Variants in MYO16 observed in about 807,000 individuals in gnomAD.
The protein encoded by MYO16 is unconventional myosin-XVI.
Under a neutral mutation model 205.3 loss-of-function variants are expected in MYO16, and 94 were observed. The observed-to-expected ratio is 0.46, with a 90% confidence interval of 0.39 to 0.54. The LOEUF (loss-of-function observed/expected upper bound fraction) is 0.54, where lower values mean the gene tolerates loss of function less well. Ranked by LOEUF, MYO16 falls within the 20% of genes least tolerant of loss-of-function variation. The pLI is 0.00. For missense variants in MYO16, 2,315 were observed against 2,387.5 expected (o/e 0.97, Z 0.63); for synonymous variants, 988 against 954.0 (o/e 1.04, Z -0.66).
intron 1 of MYO16, among the ~76,000 whole-genome samples, chr13:108,646,612 C>T (rs540960339): frequency 6.6e-6 from 1 of 152,294 alleles, no homozygotes; most frequent in South Asian, 2.1e-4. Context: ...TTGACCTTCT[C>T]CAAGCACTAA....
intron 2 of MYO16, among the ~76,000 whole-genome samples, chr13:108,701,127 T>C (rs545288375): frequency 2.6e-4 from 39 of 152,238 alleles, no homozygotes; most frequent in Admixed American, 1.6e-3. Flanking sequence ...ATATAGACAT[T>C]GCAGATTTAG....
At chr13:108,750,535 G>A (rs532519610) in intron 4 of MYO16, among the ~76,000 whole-genome samples, 2 of 151,356 alleles carry the variant, frequency 1.3e-5, no homozygotes, top group East Asian at 1.9e-4. Context: ...TTGGGAGGCC[G>A]AGGTGGGCTG....
upstream of MYO16, among the ~76,000 whole-genome samples, chr13:108,594,221 T>C (rs775269976): frequency 1.2e-4 from 18 of 152,196 alleles, no homozygotes; most frequent in Non-Finnish European, 2.1e-4. Flanking sequence ...CCTGACAGCA[T>C]CCAACCCACA....
At chr13:108,630,457 G>C (rs16972815) in intron 1 of MYO16, among the ~76,000 whole-genome samples, 1 of 152,150 alleles carries the variant, frequency 6.6e-6, no homozygotes, top group African/African-American at 2.4e-5. Flanking sequence ...TTTGTCACCA[G>C]GTTCTCTTTT....
intron 27 of MYO16, among the ~76,000 whole-genome samples, chr13:109,088,547 A>AT (rs1197085583): frequency 6.6e-6 from 1 of 151,360 alleles, no homozygotes; most frequent in African/African-American, 2.4e-5. Context: ...ATAATTCAGC[A>AT]TTCTTTTTTT....
chr13:109,059,386 A>G (rs544195338), intron 27 of MYO16, among the ~76,000 whole-genome samples: 1 of 152,326 alleles, frequency 6.6e-6, no homozygotes, highest in East Asian at 1.9e-4. Context: ...TGAAAACAAC[A>G]TTCAATTCCT....
the MYO16 span, among the ~76,000 whole-genome samples, chr13:108,557,905 C>A: frequency 1.3e-5 from 2 of 151,928 alleles, no homozygotes; most frequent in African/African-American, 2.4e-5. Flanking sequence ...TATCATTATA[C>A]ACATATAGAT....
chr13:108,880,909 G>T (rs1280098855), intron 12 of MYO16, among the ~76,000 whole-genome samples: 2 of 152,150 alleles, frequency 1.3e-5, no homozygotes, highest in Non-Finnish European at 2.9e-5. Flanking sequence ...GAAAGTCATT[G>T]GTAGCTTGAT....
At chr13:109,058,492 A>G (rs1174467682) in intron 27 of MYO16, among the ~76,000 whole-genome samples, 4 of 152,208 alleles carry the variant, frequency 2.6e-5, no homozygotes, top group Admixed American at 1.3e-4. Context: ...CCCGCTGCAT[A>G]TAAAAGTTAT....
At chr13:108,852,115 C>A (rs192412783) in intron 10 of MYO16, among the ~76,000 whole-genome samples, 4 of 152,184 alleles carry the variant, frequency 2.6e-5, no homozygotes, top group Non-Finnish European at 5.9e-5. Flanking sequence ...TCTTCAAAGA[C>A]GACTTCTCAG....
chr13:108,760,142 C>G (rs984293894), intron 4 of MYO16, among the ~76,000 whole-genome samples: 1 of 152,166 alleles, frequency 6.6e-6, no homozygotes, highest in South Asian at 2.1e-4. Context: ...ACCACACTAT[C>G]GAATACTAGA....
the MYO16 span, among the ~76,000 whole-genome samples, chr13:108,538,137 C>A: frequency 1.8e-4 from 28 of 151,916 alleles, no homozygotes; most frequent in Non-Finnish European, 1.5e-4. Context: ...TGAGCACTTT[C>A]TTTTTCTATT....
At position 108,820,417 on chromosome 13, in the gene MYO16, G is replaced by C; in HGVS notation, c.943+5G>C. The C allele has an allele frequency of 6.2e-7, 1 of 1,600,696 alleles. No homozygotes were observed. The highest frequency in any genetic ancestry group is 8.5e-7 in the Non-Finnish European group (1 of 1,172,728). On this transcript the variant is annotated splice_donor_5th_base_variant and intron_variant, in intron 8 of 34. Coordinates refer to ENST00000457511, the MANE Select transcript of MYO16 (RefSeq NM_001198950.3). ...GTAATGAGGAGAAGGCGTCAGGTAG[G>C]TTAGGAGCATCCTTGGACCATTGAG...
At chr13:108,725,838 T>C (rs747366785) in intron 3 of MYO16, among the ~76,000 whole-genome samples, 2 of 152,226 alleles carry the variant, frequency 1.3e-5, no homozygotes, top group Non-Finnish European at 2.9e-5. Context: ...CCAGCCCTGG[T>C]CAAGCCAGGT....
chr13:108,898,256 A>C, intron 15 of MYO16, 123 bp downstream of exon 15: 1 of 759,560 alleles, frequency 1.3e-6, no homozygotes, highest in Non-Finnish European at 2.2e-6. Context: ...CCTATTCTTC[A>C]TGACCGTGTC....
intron 1 of MYO16, among the ~76,000 whole-genome samples, chr13:108,653,683 G>A (rs1387594246): frequency 6.6e-6 from 1 of 151,492 alleles, no homozygotes; most frequent in Non-Finnish European, 1.5e-5. Flanking sequence ...ACATTTGTTT[G>A]TATTAAAATA....
At chr13:108,669,860 G>A (rs1881907165) in intron 2 of MYO16, among the ~76,000 whole-genome samples, 1 of 152,094 alleles carries the variant, frequency 6.6e-6, no homozygotes, top group Admixed American at 6.6e-5. Flanking sequence ...ACTCATAAGT[G>A]GGAGTTGAAC....
chr13:108,743,155 T>C (rs1259887344), intron 4 of MYO16, among the ~76,000 whole-genome samples: 1 of 152,200 alleles, frequency 6.6e-6, no homozygotes, highest in African/African-American at 2.4e-5. Flanking sequence ...GGGGTATTAA[T>C]TTCTTTAAAT....
chr13:108,754,211 AG>A (rs933458021), intron 4 of MYO16, among the ~76,000 whole-genome samples: 29 of 142,492 alleles, frequency 2.0e-4, no homozygotes, highest in African/African-American at 7.6e-4. Flanking sequence ...GTAGCATGCA[AG>A]ACAAGCTGTA....
Sources: allele counts gnomAD v4.1 joint callset (sites outside exome capture counted in the v4.1 genomes callset), GRCh38; gene constraint gnomAD v4.1.1; transcripts MANE v1.5; gene names NCBI Gene and HGNC (gene_info 2026-07-23, HGNC 2026-07-21).